The following ERBIN variants were observed in gnomAD, a reference collection of about 807,000 sequenced individuals.
ERBIN encodes the protein densin-180-like protein.
In ERBIN, 60 loss-of-function variants were observed where a neutral mutation model predicts 158.4. The observed-to-expected ratio is 0.38, with a 90% confidence interval of 0.31 to 0.47. The LOEUF (loss-of-function observed/expected upper bound fraction) is 0.47. Among genes scored for constraint, ERBIN ranks in the 20% least tolerant of loss-of-function variants. The pLI, the probability that ERBIN is intolerant of heterozygous loss-of-function variation, is 0.99. For synonymous variants in ERBIN, 594 were observed against 557.2 expected (o/e 1.07, Z -0.93); for missense variants, 1,610 against 1,648.0 (o/e 0.98, Z 0.40).
At position 65,953,115 on chromosome 5, in the gene ERBIN, C is replaced by T. The variant is rs747723913; in HGVS notation, c.-58+26309C>T. ...GGCTTCTGGTCCACAGCCCTCTCTG[C>T]TTCTGCTTTCTCCACTGCTCGTTAC... On this transcript the variant is annotated intron_variant, in intron 1 of 25. Coordinates refer to ENST00000284037, the MANE Select transcript of ERBIN (RefSeq NM_001253697.2). Among the ~76,000 whole-genome samples, 4 of 152,240 alleles carry T rather than the reference C, an allele frequency of 2.6e-5. No homozygotes were observed. The East Asian group carries it at 7.7e-4, about 29-fold the overall frequency.
intron 21 of ERBIN, among the ~76,000 whole-genome samples, chr5:66,056,393 T>G (rs1305858393): frequency 6.6e-6 from 1 of 152,094 alleles, no homozygotes. Flanking sequence ...AGTAGGAGAT[T>G]TGGAAGAAGA....
At chr5:65,965,382 GTTTTTT>G (rs200847060) in intron 1 of ERBIN, among the ~76,000 whole-genome samples, 16 of 96,054 alleles carry the variant, frequency 1.7e-4, no homozygotes, top group African/African-American at 5.7e-4. Flanking sequence ...GTTTTTTGTT[GTTTTTT>G]TTTTTTTTTT....
chr5:65,971,490 G>C (rs1338817146), intron 1 of ERBIN, among the ~76,000 whole-genome samples: 1 of 152,012 alleles, frequency 6.6e-6, no homozygotes, highest in Non-Finnish European at 1.5e-5. Flanking sequence ...ATATTAATGA[G>C]ACTCCTTGGA....
intron 16 of ERBIN, among the ~76,000 whole-genome samples, chr5:66,043,523 C>T (rs1231931732): frequency 6.6e-6 from 1 of 152,036 alleles, no homozygotes; most frequent in Non-Finnish European, 1.5e-5. Flanking sequence ...CTCCCCCCAC[C>T]ATATTCGTAA....
intron 19 of ERBIN, among the ~76,000 whole-genome samples, chr5:66,049,171 T>TA (rs1324996859): frequency 6.6e-6 from 1 of 152,068 alleles, no homozygotes; most frequent in Non-Finnish European, 1.5e-5. Flanking sequence ...CACAGTACCT[T>TA]ATGTATAGTA....
rs1746752510 is a variant in ERBIN at position 65,953,504 on chromosome 5, A to G, written c.-58+26698A>G. Among the ~76,000 whole-genome samples, 3 of 152,280 alleles carry G rather than the reference A, an allele frequency of 2.0e-5. No homozygotes were observed. The South Asian group carries it at 6.2e-4, about 32-fold the overall frequency. ...GCTTGAGCCACTGTTGTTTAGGTCT[A>G]AGGGATCCATGTTGCTACATTTCTG... is the stretch of plus-strand genomic sequence containing the variant. On this transcript the variant is annotated intron_variant, in intron 1 of 25. Transcript: ENST00000284037.
chr5:66,074,045 AT>A (rs397884229), intron 22 of ERBIN, among the ~76,000 whole-genome samples: 2,952 of 91,872 alleles, frequency 0.032, 64 homozygotes, highest in African/African-American at 0.075. Flanking sequence ...TGCCCAGCTA[AT>A]TTTTTTTTTT....
rs1004305117 is a variant in ERBIN, at chr5:66,053,756, A to T, written c.2438A>T (p.Tyr813Phe). Residue 813 changes from tyrosine (Y) to phenylalanine (F), a missense_variant, in exon 21 of 26, where the codon TAT becomes TTT. Tyr to Phe is a conservative substitution (Grantham distance 22). Around this residue, in one of 2 missense-constraint regions of ERBIN, gnomAD observed 1,014 missense variants for 936.1 expected, o/e 1.08. Transcript: ENST00000284037. ...GAGCACTTGGAAAATGGAAACAAGT[A>T]TCCTAATTTGGAATCCGTAAATAAG... is the stretch of plus-strand genomic sequence containing the variant. Reference protein sequence around the residue: ...ETEHLENGNKYPNLESVNKVN... With the variant: ...ETEHLENGNKFPNLESVNKVN... The T allele has an allele frequency of 1.2e-6, 2 of 1,613,836 alleles. No homozygotes were observed. Among genetic ancestry groups the T allele is most frequent in the Non-Finnish European group, 1.7e-6 (2 of 1,179,984 alleles).
rs767161492 is a variant in ERBIN, at chr5:66,050,889, T to G, written c.2010T>G (p.Leu670=). Residue 670 remains leucine (L), a synonymous_variant, in exon 20 of 26, where the codon CTT becomes CTG. Coordinates refer to ENST00000284037, the MANE Select transcript of ERBIN (RefSeq NM_001253697.2). ...CTCGGATGTCTGATTCAGTTTCTCT[T>G]AATACTGATAGTAGTCAAGACACCT... is the stretch of plus-strand genomic sequence containing the variant. ...SPSRMSDSVS[L]NTDSSQDTSL... 11 of 1,606,252 alleles carry G rather than the reference T, an allele frequency of 6.8e-6. No homozygotes were observed. The highest frequency in any genetic ancestry group is 9.3e-6 in the Non-Finnish European group (11 of 1,176,574).
At position 66,080,751 on chromosome 5, in the gene ERBIN, A is replaced by T. The variant is rs1161120725; in HGVS notation, c.*2221A>T. 6.6e-6 allele frequency: 1 copy of T among 152,036 alleles called. No individual in the cohort carries two copies. Among genetic ancestry groups the T allele is most frequent in the Non-Finnish European group, 1.5e-5 (1 of 67,888 alleles). 9.4% of individuals were successfully genotyped at this position (152,036 alleles called of 1,614,324 possible). On this transcript the variant is annotated 3_prime_UTR_variant, in exon 26 of 26. Transcript: ENST00000284037. ...TCACGGAACAATGGATCTTCAGCAA[A>T]CCTTAACTTCATTGTCTGCACATTA...
intron 5 of ERBIN, 29 bp from the exon 6 acceptor site, chr5:66,013,520 C>G (rs888337660): frequency 2.3e-5 from 32 of 1,409,110 alleles, no homozygotes; most frequent in Non-Finnish European, 2.8e-5. Flanking sequence ...CTTACATGAA[C>G]TTAACTTAAA....
intron 21 of ERBIN, chr5:66,069,056 T>C (rs1483503734): frequency 4.2e-6 from 6 of 1,430,524 alleles, no homozygotes; most frequent in Non-Finnish European, 5.5e-6. Flanking sequence ...TTTTAGCTTG[T>C]AGAAGAGAAA....
chr5:65,946,338 TG>T, intron 1 of ERBIN, among the ~76,000 whole-genome samples: 1 of 152,254 alleles, frequency 6.6e-6, no homozygotes, highest in African/African-American at 2.4e-5. Context: ...CACTCCAGCC[TG>T]GGTGACAGAG....
At chr5:65,985,713 G>T (rs1751151078) in intron 1 of ERBIN, among the ~76,000 whole-genome samples, 1 of 151,970 alleles carries the variant, frequency 6.6e-6, no homozygotes, top group Admixed American at 6.6e-5. Flanking sequence ...TTCATATTCG[G>T]GTCCGGCAAC....
At chr5:65,968,552 A>T in intron 1 of ERBIN, among the ~76,000 whole-genome samples, 1 of 152,236 alleles carries the variant, frequency 6.6e-6, no homozygotes, top group South Asian at 2.1e-4. Flanking sequence ...CTTTTATTTA[A>T]TTTTGATTTA....
At chr5:65,992,158 T>G (rs1380864405) in intron 2 of ERBIN, among the ~76,000 whole-genome samples, 2 of 152,124 alleles carry the variant, frequency 1.3e-5, no homozygotes, top group Non-Finnish European at 2.9e-5. Flanking sequence ...GCACAGTTTT[T>G]TTTGTTTGTT....
intron 4 of ERBIN, among the ~76,000 whole-genome samples, chr5:66,009,254 A>G (rs1034590720): frequency 1.3e-5 from 2 of 152,234 alleles, no homozygotes; most frequent in Non-Finnish European, 2.9e-5. Flanking sequence ...CATCATTTCA[A>G]TGCATCCTCA....
chr5:66,027,060 A>G (rs1756338002), intron 13 of ERBIN, among the ~76,000 whole-genome samples: 1 of 152,014 alleles, frequency 6.6e-6, no homozygotes, highest in South Asian at 2.1e-4. Flanking sequence ...AGGTAAACAT[A>G]CTAATGATGA....
At chr5:66,031,208 T>TATGTTC (rs1173288663) in intron 14 of ERBIN, among the ~76,000 whole-genome samples, 10 of 152,204 alleles carry the variant, frequency 6.6e-5, no homozygotes, top group Non-Finnish European at 1.0e-4. Flanking sequence ...GTTCTACTAT[T>TATGTTC]TAATGTTTAT....
Sources: gnomAD v4.1 joint callset for allele counts (sites outside exome capture counted in the v4.1 genomes callset) on GRCh38, gnomAD v4.1.1 for gene constraint, gnomAD v4.1.1 regional missense constraint, MANE v1.5 for transcripts, NCBI Gene and HGNC (gene_info 2026-07-23, HGNC 2026-07-21) for gene names.